The following SLC12A3 variants were observed in gnomAD, a reference collection of about 807,000 sequenced individuals.
SLC12A3 encodes the protein solute carrier family 12 member 3, also known as Na-Cl cotransporter.
A neutral mutation model predicts 121.0 loss-of-function variants in SLC12A3; 104 were observed. The observed-to-expected ratio is 0.86, with a 90% CI of 0.73 to 1.01. The LOEUF (loss-of-function observed/expected upper bound fraction) is 1.01. Ranked by LOEUF, SLC12A3 falls within the 50% of genes least tolerant of loss-of-function variation. The pLI is 0.00. For missense variants in SLC12A3, 1,328 were observed against 1,356.3 expected, an observed-to-expected ratio of 0.98 and a Z score of 0.33; for synonymous variants, 536 against 533.4, an observed-to-expected ratio of 1.00 and a Z score of -0.07.
chr16:56,894,382 C>T, intron 21 of SLC12A3, 149 bp from the exon 22 acceptor site: 1 of 683,618 alleles, frequency 1.5e-6, no homozygotes, highest in Admixed American at 2.1e-5. Context: ...GACTTGAATT[C>T]AGTCAGCCAT....
At chr16:56,886,740 C>G (rs1355815149) in intron 16 of SLC12A3, among the ~76,000 whole-genome samples, 1 of 152,074 alleles carries the variant, frequency 6.6e-6, no homozygotes, top group Non-Finnish European at 1.5e-5. Context: ...GCTGGCTTCT[C>G]CCCCAGCTGC....
chr16:56,880,314 T>G, intron 12 of SLC12A3, 61 bp downstream of exon 12: 1 of 1,535,868 alleles, frequency 6.5e-7, no homozygotes, highest in Admixed American at 2.0e-5. Context: ...GCCATGAGGG[T>G]CTTGGGGGCC....
chr16:56,915,489 G>C lies in SLC12A3; in HGVS notation c.*2084G>C, dbSNP rs577055452. On this transcript the variant is annotated 3_prime_UTR_variant, in exon 26 of 26. Transcript: ENST00000563236. ...GGCTTGCTACGAGGGACTGGGGCAC[G>C]GCCAAGCTGACTAGGAACAGCTCTC... The C allele has an allele frequency of 2.0e-5, 3 of 152,348 alleles. No homozygotes were observed. Among genetic ancestry groups the C allele is most frequent in the Non-Finnish European group, 4.4e-5 (3 of 68,042 alleles). 9.4% of individuals were successfully genotyped at this position (152,348 alleles called of 1,614,324 possible).
At position 56,879,539 on chromosome 16, in the gene SLC12A3, C is replaced by T. The variant is rs1295643797; in HGVS notation, c.1336-3C>T. 22 of 1,611,856 alleles carry T rather than the reference C, an allele frequency of 1.4e-5. No individual in the cohort carries two copies. The highest frequency in any genetic ancestry group is 1.7e-5 in the Non-Finnish European group (20 of 1,178,278). The stretch of plus-strand genomic sequence containing the variant: ...GGAGTCCCTGAGCCCCAAATCCCCA[C>T]AGACCATGAGCATGGTGTCAGGCTT... On this transcript the variant is annotated splice_region_variant and splice_polypyrimidine_tract_variant and intron_variant, in intron 10 of 25. Coordinates refer to ENST00000563236, the MANE Select transcript of SLC12A3 (RefSeq NM_001126108.2).
Position 56,893,002 on chromosome 16 carries a change from G to T in SLC12A3, c.2469G>T (p.Gln823His). Residue 823 changes from glutamine to histidine, a missense_variant, in exon 21 of 26, where the codon CAG becomes CAT. Gln to His is a conservative substitution (Grantham distance 24). Transcript: ENST00000563236. ...VKEEQATTIF[Q>H]SEQGKKTIDI... ...AGGAGCAGGCCACCACCATCTTCCA[G>T]TCGGAGCAGGGCAAGAAGACCATAG... 1 of 1,614,234 alleles carries T rather than the reference G, an allele frequency of 6.2e-7. No individual in the cohort carries two copies.
chr16:56,865,555 G>C (rs372174390), intron 1 of SLC12A3, 38 bp downstream of exon 1: 31 of 1,601,568 alleles, frequency 1.9e-5, no homozygotes, highest in Non-Finnish European at 2.4e-5. Context: ...CTTCCCTGCT[G>C]TGTGACCTCG....
chr16:56,865,452 A>C lies in SLC12A3; in HGVS notation c.217A>C (p.Ser73Arg). The C allele has an allele frequency of 6.2e-7, 1 of 1,614,128 alleles. No individual in the cohort carries two copies. The highest frequency in any genetic ancestry group is 8.5e-7 in the Non-Finnish European group (1 of 1,180,044). ...GCCCACATATGAGCACTATGCCAAC[A>C]GCACCCAGCCTGGTGAGCCCCGGAA... ...VVPTYEHYAN[S>R]TQPGEPRKVR... Residue 73 changes from serine to arginine, a missense_variant, in exon 1 of 26, where the codon AGC becomes CGC. Physicochemically the swap from Ser to Arg is moderately radical, Grantham distance 110. Coordinates refer to ENST00000563236, the MANE Select transcript of SLC12A3 (RefSeq NM_001126108.2).
At chr16:56,868,982 T>TA (rs879430664) in intron 3 of SLC12A3, among the ~76,000 whole-genome samples, 1 of 150,526 alleles carries the variant, frequency 6.6e-6, no homozygotes. Context: ...TCAAAAAAAA[T>TA]AAAAAATAAA....
Position 56,892,881 on chromosome 16 carries a change from C to T in SLC12A3, c.2420-72C>T, listed in dbSNP as rs2278490. 0.18 allele frequency: 220,447 copies of T among 1,245,246 alleles called. 24,665 individuals are homozygous for T. Among genetic ancestry groups the T allele is most frequent in the East Asian group, 0.51 (21,428 of 41,704 alleles). 77.1% of individuals were successfully genotyped at this position (1,245,246 alleles called of 1,614,324 possible). ...TGTTCAACATCAGAAGGGGCGTTGG[C>T]GGGGCCCTGGGCCAGGCCTGCCTGG... On this transcript the variant is annotated intron_variant, in intron 20 of 25. Transcript: ENST00000563236.
chr16:56,890,057 C>T (rs1407849970), intron 18 of SLC12A3, among the ~76,000 whole-genome samples: 1 of 152,224 alleles, frequency 6.6e-6, no homozygotes, highest in African/African-American at 2.4e-5. Flanking sequence ...ACCGGATCTG[C>T]AGGATCCACA....
chr16:56,892,814 C>T (rs1386852106), intron 20 of SLC12A3, 139 bp from the exon 21 acceptor site: 7 of 685,556 alleles, frequency 1.0e-5, no homozygotes, highest in African/African-American at 7.0e-5. Flanking sequence ...CAGCACTGAG[C>T]GTCCTGGGCC....
chr16:56,866,147 A>C (rs1357405947), intron 1 of SLC12A3, among the ~76,000 whole-genome samples: 1 of 151,820 alleles, frequency 6.6e-6, no homozygotes, highest in African/African-American at 2.4e-5. Flanking sequence ...CACCACACCC[A>C]GCTAATTTTT....
chr16:56,896,317 G>C (rs8056954), intron 22 of SLC12A3, among the ~76,000 whole-genome samples: 1 of 152,188 alleles, frequency 6.6e-6, no homozygotes, highest in South Asian at 2.1e-4. Context: ...CTTGTCTCCC[G>C]GAGCAAGAGG....
chr16:56,882,554 G>A (rs931577277), intron 13 of SLC12A3, 57 bp downstream of exon 13: 1 of 1,368,176 alleles, frequency 7.3e-7, no homozygotes, highest in African/African-American at 1.4e-5. Flanking sequence ...GGAGGAACTG[G>A]GGCATGGGGT....
chr16:56,891,287 G>C (rs560088378), intron 19 of SLC12A3, among the ~76,000 whole-genome samples: 19 of 147,556 alleles, frequency 1.3e-4, no homozygotes, highest in African/African-American at 4.3e-4. Context: ...TGGGAGGATC[G>C]CTTGAGGCCA....
intron 13 of SLC12A3, among the ~76,000 whole-genome samples, chr16:56,883,492 G>T (rs2055269148): frequency 6.6e-6 from 1 of 152,044 alleles, no homozygotes; most frequent in Non-Finnish European, 1.5e-5. Context: ...ATGTTAGCCA[G>T]GATGGTCTCG....
In SLC12A3 at chr16:56,879,745, G is replaced by T. The variant is rs1036543804; in HGVS notation, c.1443+96G>T. Reference sequence around the variant, plus strand: ...CCCTGGGTGACTGCTACAAACACCTGAAGGTGTCATTAGACTGGGGTCTCT... The same window carrying T: ...CCCTGGGTGACTGCTACAAACACCTTAAGGTGTCATTAGACTGGGGTCTCT... On this transcript the variant is annotated intron_variant, in intron 11 of 25. Transcript: ENST00000563236. 68 of 880,620 alleles carry T rather than the reference G, an allele frequency of 7.7e-5. No individual in the cohort carries two copies. In the African/African-American group the frequency reaches 1.0e-3, roughly 13 times the overall value. The allele number at this position is 880,620 out of a possible 1,614,324, so 54.6% of individuals were successfully genotyped here. A position where few individuals can be genotyped will look rare whatever the true frequency, so the allele number is the denominator to read the frequency against.
intron 22 of SLC12A3, among the ~76,000 whole-genome samples, chr16:56,898,182 T>C (rs1357979529): frequency 2.6e-5 from 4 of 152,082 alleles, no homozygotes; most frequent in Non-Finnish European, 5.9e-5. Flanking sequence ...TTCCCAGGGG[T>C]TCTGACTCAA....
At chr16:56,891,672 C>T (rs143109356) in intron 19 of SLC12A3, among the ~76,000 whole-genome samples, 1 of 152,208 alleles carries the variant, frequency 6.6e-6, no homozygotes, top group South Asian at 2.1e-4. Flanking sequence ...GAGGGAAAAG[C>T]AGACACTTGC....
Sources: allele counts gnomAD v4.1 joint callset (sites outside exome capture counted in the v4.1 genomes callset), GRCh38; gene constraint gnomAD v4.1.1; transcripts MANE v1.5; gene names NCBI Gene and HGNC (gene_info 2026-07-23, HGNC 2026-07-21).